Variants in SAP130 observed in about 807,000 individuals in gnomAD.
The protein encoded by SAP130 is histone deacetylase complex subunit SAP130.
Under a neutral mutation model 103.2 loss-of-function variants are expected in SAP130, and 16 were observed. The observed-to-expected ratio is 0.16, with a 90% CI of 0.10 to 0.24. The LOEUF (loss-of-function observed/expected upper bound fraction) is 0.24, where lower values mean the gene tolerates loss of function less well. Among genes scored for constraint, SAP130 ranks in the 10% least tolerant of loss-of-function variants. The pLI, the probability that SAP130 is intolerant of heterozygous loss-of-function variation, is 1.00. For synonymous variants in SAP130, 477 were observed against 497.0 expected (o/e 0.96, Z 0.53); for missense variants, 990 against 1,359.7 (o/e 0.73, Z 4.28).
At chr2:128,010,491 A>T (rs895012334) in intron 6 of SAP130, 98 bp from the exon 7 acceptor site, 1 of 1,146,934 alleles carries the variant, frequency 8.7e-7, no homozygotes, top group Non-Finnish European at 1.2e-6. Flanking sequence ...ACAGATAAGC[A>T]TGTTTCTGCC....
chr2:128,006,561 G>A (rs1573811104), intron 7 of SAP130, among the ~76,000 whole-genome samples: 1 of 152,150 alleles, frequency 6.6e-6, no homozygotes, highest in East Asian at 1.9e-4. Context: ...GATCGCTTGA[G>A]CCCAGGAGTT....
intron 10 of SAP130, among the ~76,000 whole-genome samples, chr2:127,997,649 A>G (rs1683262791): frequency 6.6e-6 from 1 of 152,160 alleles, no homozygotes; most frequent in Non-Finnish European, 1.5e-5. Context: ...GGGGATGGTG[A>G]GCAGGGGGCA....
At chr2:127,947,764 C>CTGTGTGTGTGTGTGTGTGTG (rs1553500423) in intron 18 of SAP130, among the ~76,000 whole-genome samples, 39 of 143,400 alleles carry the variant, frequency 2.7e-4, no homozygotes, top group South Asian at 4.5e-4. Flanking sequence ...TTGTGTGTGT[C>CTGTGTGTGTGTGTGTGTGTG]TGTGTGTGTG....
Position 127,977,978 on chromosome 2 carries a change from T to G in SAP130, c.2063+7A>C. The G allele has an allele frequency of 1.3e-6, 2 of 1,541,668 alleles. No individual in the cohort carries two copies. The highest frequency in any genetic ancestry group is 1.8e-6 in the Non-Finnish European group (2 of 1,137,500). ...AGCAAGAGTGCGAAGAACACTTAGG[T>G]GCTCACCCTGCAGGCCTAGGTGACC... On this transcript the variant is annotated splice_region_variant and intron_variant, in intron 15 of 20. Transcript: ENST00000643581.
intron 18 of SAP130, among the ~76,000 whole-genome samples, chr2:127,947,332 T>C (rs565176744): frequency 1.7e-4 from 26 of 152,192 alleles, no homozygotes; most frequent in Non-Finnish European, 3.2e-4. Flanking sequence ...TAAGGCCAGT[T>C]AATATGGTGG....
Position 127,996,917 on chromosome 2 carries a change from A to AAAAT in SAP130, c.1214-430_1214-427dup, listed in dbSNP as rs1476542951. Among the ~76,000 whole-genome samples, 1 of 152,188 alleles carries AAAAT rather than the reference A, an allele frequency of 6.6e-6. No individual in the cohort carries two copies. Among genetic ancestry groups the AAAAT allele is most frequent in the Non-Finnish European group, 1.5e-5 (1 of 68,036 alleles). ...CACTCACAGACTGGGACCCTGTCTC[A>AAAAT]AAATAAATAAATAAACACACAATTT... On this transcript the variant is annotated intron_variant, in intron 10 of 20. Coordinates refer to ENST00000643581, the MANE Select transcript of SAP130 (RefSeq NM_001330301.2). The surrounding 1 kb of genome is among the most constrained non-coding windows in gnomAD (Gnocchi z 4.3).
intron 7 of SAP130, among the ~76,000 whole-genome samples, chr2:128,005,708 G>A (rs544880866): frequency 6.6e-6 from 1 of 151,016 alleles, no homozygotes; most frequent in African/African-American, 2.4e-5. Flanking sequence ...GCGCAGTGGC[G>A]CGATCTTGGC....
Position 127,986,736 on chromosome 2 carries a change from G to A in SAP130, c.1958+49C>T. On this transcript the variant is annotated intron_variant, in intron 14 of 20. Transcript: ENST00000643581. The surrounding 1 kb of genome is among the most constrained non-coding windows in gnomAD (Gnocchi z 4.7). ...ATAAGAGTGCCTATTATGTATACCA[G>A]TTATATCCAGAACCAGAGGTGTCAT... The A allele has an allele frequency of 1.9e-6, 3 of 1,575,410 alleles. No individual in the cohort carries two copies. The highest frequency in any genetic ancestry group is 2.6e-6 in the Non-Finnish European group (3 of 1,149,634).
chr2:127,993,262 G>A lies in SAP130; in HGVS notation c.1402C>T (p.Pro468Ser), dbSNP rs140175088. 7 of 1,613,858 alleles carry A rather than the reference G, an allele frequency of 4.3e-6. No homozygotes were observed. The highest frequency in any genetic ancestry group is 1.6e-4 in the Middle Eastern group (1 of 6,084). Reference protein sequence around the residue: ...QFQYFLPTYPPSAYPLAAHTY... With the variant: ...QFQYFLPTYPSSAYPLAAHTY... ...TGTGCCGCCAGTGGGTATGCAGAAGGGGGGTAAGTTGGCAAAAAATATTGG... is the reference window on the plus strand; with the variant it reads ...TGTGCCGCCAGTGGGTATGCAGAAGAGGGGTAAGTTGGCAAAAAATATTGG... The change falls in exon 12 of 21, where the codon CCT becomes TCT. Residue 468 changes from proline to serine, a missense_variant. By Grantham distance (74) the Pro-to-Ser change is moderately conservative. Coordinates refer to ENST00000643581, the MANE Select transcript of SAP130 (RefSeq NM_001330301.2).
rs1685645316 is a variant in SAP130 at position 128,028,013 on chromosome 2, G to A, written c.-80C>T. On this transcript the variant is annotated 5_prime_UTR_variant, in exon 1 of 21. The change creates a new upstream start codon in the 5' untranslated region. Transcript: ENST00000643581. ...CGCGCTCTCCGTCTGTGGGGCCGAC[G>A]TCCCCAGGCTCCGGACCCGCAGCCA... 1.0e-6 allele frequency: 1 copy of A among 984,516 alleles called. No homozygotes were observed. The highest frequency in any genetic ancestry group is 1.2e-6 in the Non-Finnish European group (1 of 828,950). 61.0% of individuals were successfully genotyped at this position (984,516 alleles called of 1,614,324 possible).
chr2:127,950,308 T>G lies in SAP130; in HGVS notation c.2523A>C (p.Pro841=), dbSNP rs1204261752. The change falls in exon 17 of 21, where the codon CCA becomes CCC. Residue 841 remains proline, a synonymous_variant. Transcript: ENST00000643581. ...GCTGTTGCTTTCGAGGCTTTTTCCT[T>G]GGGGAGGCACCAGGTGGTAGGTCAC... is the stretch of plus-strand genomic sequence containing the variant. The part of the protein sequence containing the change: ...PTSDLPPGAS[P]RKKPRKQQHV... The G allele has an allele frequency of 6.2e-7, 1 of 1,614,200 alleles. No homozygotes were observed. The highest frequency in any genetic ancestry group is 1.7e-5 in the Admixed American group (1 of 60,012).
At position 128,027,097 on chromosome 2, in the gene SAP130, G is replaced by A. The variant is rs1325810236; in HGVS notation, c.-6-799C>T. ...CGAGCACTGTGCCTCTTTACCTGTA[G>A]CCGCCGCCCGCCGCCCGCACCGCCC... On this transcript the variant is annotated intron_variant, in intron 1 of 20. Coordinates refer to ENST00000643581, the MANE Select transcript of SAP130 (RefSeq NM_001330301.2). 9 of 1,420,216 alleles carry A rather than the reference G, an allele frequency of 6.3e-6. No individual in the cohort carries two copies. In the South Asian group the frequency reaches 1.4e-4, roughly 22 times the overall value. The allele number at this position is 1,420,216 out of a possible 1,614,324, so 88.0% of individuals were successfully genotyped here. A position where few individuals can be genotyped will look rare whatever the true frequency, so the allele number is the denominator to read the frequency against.
chr2:127,992,700 A>G (rs1455997525), intron 12 of SAP130, among the ~76,000 whole-genome samples: 2 of 152,202 alleles, frequency 1.3e-5, no homozygotes, highest in African/African-American at 2.4e-5. Flanking sequence ...CACTATTCAC[A>G]CGTCATCATG....
At chr2:127,970,796 C>T in intron 15 of SAP130, among the ~76,000 whole-genome samples, 1 of 152,080 alleles carries the variant, frequency 6.6e-6, no homozygotes, top group Non-Finnish European at 1.5e-5. Context: ...TCTGCAATGA[C>T]CCTATTTCCA....
chr2:128,018,483 C>CAAAAAAAAAAAAAAAAAAAAAAAAAAA (rs759445928), intron 2 of SAP130, among the ~76,000 whole-genome samples: 1 of 69,474 alleles, frequency 1.4e-5, no homozygotes, highest in African/African-American at 6.5e-5. Flanking sequence ...AGATTGTCTC[C>CAAAAAAAAAAAAAAAAAAAAAAAAAAA]AAAAAAAAAA....
Position 127,942,669 on chromosome 2 carries a change from CT to C in SAP130, c.2902-133del. 2 of 630,412 alleles carry C rather than the reference CT, an allele frequency of 3.2e-6. No homozygotes were observed. Among genetic ancestry groups the C allele is most frequent in the Non-Finnish European group, 5.7e-6 (2 of 353,434 alleles). The allele number at this position is 630,412 out of a possible 1,614,324, so 39.1% of individuals were successfully genotyped here. A position where few individuals can be genotyped will look rare whatever the true frequency, so the allele number is the denominator to read the frequency against. ...TGTTTGGGTGACAACGTCCTTTCTC[CT>C]AAGGACTAAGATACTAAGGTTTAAA... On this transcript the variant is annotated intron_variant, in intron 19 of 20. Coordinates refer to ENST00000643581, the MANE Select transcript of SAP130 (RefSeq NM_001330301.2). The surrounding 1 kb of genome is among the most constrained non-coding windows in gnomAD (Gnocchi z 4.8).
In SAP130 at chr2:127,972,756, T is replaced by TA. The variant is rs199992314; in HGVS notation, c.2063+5228dup. 2.2e-3 allele frequency among the ~76,000 whole-genome samples: 327 copies of TA among 150,220 alleles called. 1 individual carries two copies. The highest frequency in any genetic ancestry group is 7.0e-3 in the South Asian group (33 of 4,734). On this transcript the variant is annotated intron_variant, in intron 15 of 20. Transcript: ENST00000643581. ...CTGGGCAACAGAGTGAGATTCTGTC[T>TA]AAAAAAAAAGTAAATTAAAAAAATA... is the stretch of plus-strand genomic sequence containing the variant.
intron 13 of SAP130, among the ~76,000 whole-genome samples, chr2:127,988,429 T>TAAAAA (rs11380500): frequency 2.4e-5 from 3 of 126,296 alleles, no homozygotes; most frequent in East Asian, 2.3e-4. Flanking sequence ...CTTGTCTTTT[T>TAAAAA]AAAAAAAAAA....
chr2:127,941,842 A>T lies in SAP130; in HGVS notation c.*164T>A, dbSNP rs1163627434. The T allele has an allele frequency of 1.5e-6, 1 of 661,514 alleles. No individual in the cohort carries two copies. The highest frequency in any genetic ancestry group is 2.7e-5 in the East Asian group (1 of 36,478). The allele number at this position is 661,514 out of a possible 1,614,324, so 41.0% of individuals were successfully genotyped here. A position where few individuals can be genotyped will look rare whatever the true frequency, so the allele number is the denominator to read the frequency against. On this transcript the variant is annotated 3_prime_UTR_variant, in exon 21 of 21. Transcript: ENST00000643581. Reference sequence around the variant, plus strand: ...AGCTCACTATGTCCAGTCAGCTCTGATCCTTTCACGCCCTTGGATGTCATG... The same window carrying T: ...AGCTCACTATGTCCAGTCAGCTCTGTTCCTTTCACGCCCTTGGATGTCATG...
Sources: gnomAD v4.1 joint callset for allele counts (sites outside exome capture counted in the v4.1 genomes callset) on GRCh38, gnomAD v4.1.1 for gene constraint, Gnocchi (gnomAD v3.1) non-coding constraint, MANE v1.5 for transcripts, NCBI Gene and HGNC (gene_info 2026-07-23, HGNC 2026-07-21) for gene names.